Variants in LHX8 observed in about 807,000 individuals in gnomAD.
The protein encoded by LHX8 is LIM/homeobox protein Lhx8.
In LHX8, 12 loss-of-function variants were observed where a neutral mutation model predicts 40.3. The ratio of observed to expected loss-of-function variants is 0.30; its 90% CI spans 0.19 to 0.48. The LOEUF (loss-of-function observed/expected upper bound fraction) is 0.48, where lower values mean the gene tolerates loss of function less well. LHX8 is among the 20% of genes least tolerant of loss of function. The probability of loss-of-function intolerance (pLI) is 0.99; values close to 1 mark genes in which losing one functional copy is unlikely to be tolerated. For synonymous variants in LHX8, 179 were observed against 162.0 expected (o/e 1.10, Z -0.80); for missense variants, 344 against 433.7 (o/e 0.79, Z 1.84).
the LHX8 span, among the ~76,000 whole-genome samples, chr1:75,177,945 G>A: frequency 6.6e-6 from 1 of 152,142 alleles, no homozygotes; most frequent in Admixed American, 6.5e-5. Flanking sequence ...TGTGGTTTTT[G>A]TCTTTGGTTC....
At chr1:75,167,187 A>G in the LHX8 span, among the ~76,000 whole-genome samples, 3 of 152,236 alleles carry the variant, frequency 2.0e-5, no homozygotes, top group Non-Finnish European at 4.4e-5. Flanking sequence ...CTTTCACGTC[A>G]TGCTGTCTGG....
At chr1:75,171,407 G>A in the LHX8 span, among the ~76,000 whole-genome samples, 5 of 147,664 alleles carry the variant, frequency 3.4e-5, no homozygotes, top group Admixed American at 6.8e-5. Context: ...AAGAGATGGG[G>A]CCAAATTTTT....
intron 4 of LHX8, 76 bp from the exon 5 acceptor site, chr1:75,143,042 G>T (rs1648359516): frequency 9.2e-7 from 1 of 1,085,902 alleles, no homozygotes; most frequent in African/African-American, 1.5e-5. Flanking sequence ...AAGATAATGT[G>T]CTGGTTTAAT....
chr1:75,133,312 C>T (rs1648022730), upstream of LHX8, among the ~76,000 whole-genome samples: 1 of 146,960 alleles, frequency 6.8e-6, no homozygotes, highest in Non-Finnish European at 1.5e-5. Context: ...AGGCTCACTT[C>T]ATCACAGGAA....
At chr1:75,136,125 C>T (rs1363048130) in intron 1 of LHX8, among the ~76,000 whole-genome samples, 1 of 152,180 alleles carries the variant, frequency 6.6e-6, no homozygotes, top group Non-Finnish European at 1.5e-5. Flanking sequence ...GTGTCTTGCT[C>T]TTTTAATTGA....
At chr1:75,143,456 C>T (rs1291541782) in intron 5 of LHX8, 118 bp downstream of exon 5, 2 of 699,572 alleles carry the variant, frequency 2.9e-6, no homozygotes, top group Non-Finnish European at 4.7e-6. Flanking sequence ...TGTGGTAAAA[C>T]TCATTAAGTA....
chr1:75,130,952 TATG>T, upstream of LHX8: 1 of 627,498 alleles, frequency 1.6e-6, no homozygotes, highest in Non-Finnish European at 2.9e-6. Context: ...CGCACCTTCT[TATG>T]ATCGCGAAAG....
At chr1:75,130,807 C>T (rs1193934227), upstream of LHX8, 1 of 1,408,216 alleles carries the variant, frequency 7.1e-7, no homozygotes. Flanking sequence ...AATGGTTACA[C>T]GTGATGGGCA....
intron 3 of LHX8, among the ~76,000 whole-genome samples, chr1:75,139,822 A>G (rs951518738): frequency 6.6e-6 from 1 of 152,218 alleles, no homozygotes; most frequent in African/African-American, 2.4e-5. Context: ...TACCTTTTAT[A>G]TATTGCAGAA....
the LHX8 span, among the ~76,000 whole-genome samples, chr1:75,198,776 A>T: frequency 6.6e-6 from 1 of 152,144 alleles, no homozygotes; most frequent in African/African-American, 2.4e-5. Context: ...ATTTCCTCCC[A>T]AATACCTTAT....
chr1:75,134,943 T>C lies in LHX8; in HGVS notation c.-24T>C. The C allele has an allele frequency of 1.0e-6, 1 of 985,280 alleles. No homozygotes were observed. Among genetic ancestry groups the C allele is most frequent in the Non-Finnish European group, 1.2e-6 (1 of 829,838 alleles). 61.0% of individuals were successfully genotyped at this position (985,280 alleles called of 1,614,324 possible). On this transcript the variant is annotated 5_prime_UTR_variant, in exon 1 of 9. Coordinates refer to ENST00000356261, the MANE Select transcript of LHX8 (RefSeq NM_001256114.2). ...AGATGAAGCCTCGAGCCTAAGGCGC[T>C]CTCAGGTCCATGTGAGTCGTGCTTT...
rs1454566669 is a variant in LHX8, at chr1:75,161,532, A to T, written c.*637A>T. On this transcript the variant is annotated 3_prime_UTR_variant, in exon 9 of 9. Coordinates refer to ENST00000356261, the MANE Select transcript of LHX8 (RefSeq NM_001256114.2). ...CATTTTCCATTCTTGTGAAAATTTC[A>T]ACCAGTTTGTCCTTTTTGTGTGTTT... 6.6e-6 allele frequency: 1 copy of T among 152,668 alleles called. No individual in the cohort carries two copies. Among genetic ancestry groups the T allele is most frequent in the African/African-American group, 2.4e-5 (1 of 41,446 alleles). The allele number at this position is 152,668 out of a possible 1,614,324, so 9.5% of individuals were successfully genotyped here.
chr1:75,158,625 G>T (rs1161358004), intron 8 of LHX8, among the ~76,000 whole-genome samples: 2 of 152,094 alleles, frequency 1.3e-5, no homozygotes, highest in African/African-American at 4.8e-5. Flanking sequence ...AAAATGTCCA[G>T]CTTCTCTGTA....
At chr1:75,165,125 T>A (rs1179116251), downstream of LHX8, among the ~76,000 whole-genome samples, 1 of 152,226 alleles carries the variant, frequency 6.6e-6, no homozygotes, top group Non-Finnish European at 1.5e-5. Context: ...ATCAAATGTT[T>A]TACTTTAGTA....
At chr1:75,165,940 CT>C (rs1649023577), downstream of LHX8, among the ~76,000 whole-genome samples, 2 of 152,180 alleles carry the variant, frequency 1.3e-5, no homozygotes, top group South Asian at 4.1e-4. Context: ...CCCAAGGACA[CT>C]TAAGCCTCCC....
intron 6 of LHX8, among the ~76,000 whole-genome samples, chr1:75,148,110 G>A (rs1193594812): frequency 6.6e-6 from 1 of 152,074 alleles, no homozygotes; most frequent in Non-Finnish European, 1.5e-5. Context: ...AAACTATGAT[G>A]GAGTTGTTAC....
In LHX8 at chr1:75,152,017, G is replaced by A. The variant is rs182243698; in HGVS notation, c.780+3335G>A. Among the ~76,000 whole-genome samples the A allele has an allele frequency of 2.5e-3, 378 of 152,290 alleles. 3 individuals carry two copies. Among genetic ancestry groups the A allele is most frequent in the African/African-American group, 8.9e-3 (369 of 41,564 alleles). The stretch of plus-strand genomic sequence containing the variant: ...TATGATTCCAAAGGAAAGAGTACTA[G>A]CATGCTTATGTGTTTATTATTTGTA... On this transcript the variant is annotated intron_variant, in intron 7 of 8. Transcript: ENST00000356261.
intron 3 of LHX8, among the ~76,000 whole-genome samples, chr1:75,139,051 A>T (rs935999340): frequency 1.2e-4 from 18 of 150,012 alleles, no homozygotes; most frequent in Admixed American, 4.7e-4. Flanking sequence ...TCACTGATTT[A>T]AAAAAAAAAG....
the LHX8 span, among the ~76,000 whole-genome samples, chr1:75,171,421 A>T: frequency 9.1e-6 from 1 of 109,600 alleles, no homozygotes; most frequent in African/African-American, 2.6e-5. Flanking sequence ...AATTTTTATT[A>T]TTATTATTAT....
Sources: gnomAD v4.1 joint callset for allele counts (sites outside exome capture counted in the v4.1 genomes callset) on GRCh38, gnomAD v4.1.1 for gene constraint, MANE v1.5 for transcripts, NCBI Gene and HGNC (gene_info 2026-07-23, HGNC 2026-07-21) for gene names.